Variants in NEK11 observed in about 807,000 individuals in gnomAD.
NEK11 encodes the protein NIMA related kinase 11.
NEK11 carries 72 observed loss-of-function variants against 80.7 expected under a neutral mutation model. The observed-to-expected ratio is 0.89, with a 90% CI of 0.74 to 1.08. The LOEUF is 1.08. Among genes scored for constraint, NEK11 ranks in the 50% least tolerant of loss-of-function variants. The pLI is 0.00. For synonymous variants in NEK11, 251 were observed against 260.7 expected (o/e 0.96, Z 0.36); for missense variants, 764 against 763.6 (o/e 1.00, Z -0.01).
chr3:131,093,124 A>G (rs1578148603), intron 4 of NEK11, among the ~76,000 whole-genome samples: 1 of 152,184 alleles, frequency 6.6e-6, no homozygotes, highest in South Asian at 2.1e-4. Flanking sequence ...CTGGAGGGGC[A>G]CAAGAGACAG....
chr3:131,267,465 T>C (rs1377436859), intron 16 of NEK11, among the ~76,000 whole-genome samples: 2 of 152,254 alleles, frequency 1.3e-5, no homozygotes, highest in African/African-American at 2.4e-5. Flanking sequence ...TTTAGCTGGA[T>C]ATGACATTCT....
intron 9 of NEK11, chr3:131,154,792 G>T: frequency 2.4e-6 from 1 of 423,604 alleles, no homozygotes; most frequent in Non-Finnish European, 4.3e-6. Flanking sequence ...ATTGGCAAAA[G>T]GGAGTGAGAG....
At chr3:131,045,970 A>C (rs1377233769) in intron 3 of NEK11, among the ~76,000 whole-genome samples, 1 of 151,950 alleles carries the variant, frequency 6.6e-6, no homozygotes, top group African/African-American at 2.4e-5. Flanking sequence ...ATCTTTTTCC[A>C]CCCCTTTACC....
chr3:131,071,765 AT>A (rs2073362054), intron 3 of NEK11, among the ~76,000 whole-genome samples: 1 of 151,914 alleles, frequency 6.6e-6, no homozygotes, highest in Non-Finnish European at 1.5e-5. Context: ...ACTGTAGTTC[AT>A]TTTGTCATGA....
intron 17 of NEK11, among the ~76,000 whole-genome samples, chr3:131,277,646 G>A (rs543925533): frequency 1.3e-5 from 2 of 152,344 alleles, no homozygotes; most frequent in Admixed American, 1.3e-4. Flanking sequence ...TGGGGGCCCT[G>A]GGGCTTTGTA....
chr3:131,105,458 A>C (rs779980623), intron 4 of NEK11, among the ~76,000 whole-genome samples: 1 of 152,206 alleles, frequency 6.6e-6, no homozygotes, highest in Admixed American at 6.5e-5. Context: ...GTATTAGTCC[A>C]TTCTCAATGA....
chr3:131,033,205 TACTGA>T (rs2065134651), intron 3 of NEK11, among the ~76,000 whole-genome samples: 1 of 152,146 alleles, frequency 6.6e-6, no homozygotes, highest in Non-Finnish European at 1.5e-5. Context: ...TTTGTGTTGA[TACTGA>T]ACCATTAGTT....
intron 16 of NEK11, among the ~76,000 whole-genome samples, chr3:131,247,732 G>A (rs376001586): frequency 9.2e-5 from 14 of 151,762 alleles, no homozygotes; most frequent in Admixed American, 4.6e-4. Context: ...ATCCATGAGC[G>A]TGGGATGTGT....
At chr3:131,216,921 T>G (rs900075392) in intron 14 of NEK11, among the ~76,000 whole-genome samples, 1 of 152,178 alleles carries the variant, frequency 6.6e-6, no homozygotes, top group Non-Finnish European at 1.5e-5. Flanking sequence ...ATTTGGCATG[T>G]GGAGTAACAG....
At chr3:131,304,902 G>C (rs1403443676) in intron 17 of NEK11, among the ~76,000 whole-genome samples, 2 of 152,112 alleles carry the variant, frequency 1.3e-5, no homozygotes, top group African/African-American at 4.8e-5. Flanking sequence ...AGCTGGGGTG[G>C]AGCACCATTG....
In NEK11 at chr3:131,168,851, A is replaced by G. The variant is rs1347399550; in HGVS notation, c.1198A>G (p.Met400Val). 6.2e-7 allele frequency: 1 copy of G among 1,613,778 alleles called. No homozygotes were observed. Among genetic ancestry groups the G allele is most frequent in the Non-Finnish European group, 8.5e-7 (1 of 1,179,746 alleles). The change falls in exon 13 of 18, where the codon ATG becomes GTG. Residue 400 changes from methionine (M) to valine (V), a missense_variant. Met to Val is a conservative substitution (Grantham distance 21). Transcript: ENST00000383366. Reference sequence around the variant, plus strand: ...TTAGGAAAAAACACATTTAAAAGGAATGGAAGAAAAGGAGGAGCAACCTGA... The same window carrying G: ...TTAGGAAAAAACACATTTAAAAGGAGTGGAAGAAAAGGAGGAGCAACCTGA... ...VLHEKTHLKG[M>V]EEKEEQPEGR...
chr3:131,198,772 G>C (rs764483382), intron 14 of NEK11, among the ~76,000 whole-genome samples: 1 of 152,214 alleles, frequency 6.6e-6, no homozygotes, highest in Non-Finnish European at 1.5e-5. Context: ...TGGGGCTTGG[G>C]TTAGGGCCTT....
chr3:131,329,576 TAAG>T (rs2097036461), intron 17 of NEK11: 1 of 152,012 alleles, frequency 6.6e-6, no homozygotes, highest in Non-Finnish European at 1.5e-5. Context: ...TAGCAAATAC[TAAG>T]AAGAAAATAC....
intron 5 of NEK11, among the ~76,000 whole-genome samples, chr3:131,125,909 C>T (rs2083256898): frequency 6.6e-6 from 1 of 152,204 alleles, no homozygotes; most frequent in South Asian, 2.1e-4. Context: ...CTTGAAATCT[C>T]TAGCAGGCCA....
intron 16 of NEK11, among the ~76,000 whole-genome samples, chr3:131,262,166 T>G (rs2095937036): frequency 6.6e-6 from 1 of 152,034 alleles, no homozygotes; most frequent in South Asian, 2.1e-4. Context: ...TACCAACAAA[T>G]CAGATAAATT....
At chr3:131,122,340 A>T (rs1560512247) in intron 5 of NEK11, among the ~76,000 whole-genome samples, 1 of 152,166 alleles carries the variant, frequency 6.6e-6, no homozygotes, top group Non-Finnish European at 1.5e-5. Context: ...GATATCCTGC[A>T]GTCACTTTTT....
chr3:131,162,242 A>C (rs957379422), intron 10 of NEK11, among the ~76,000 whole-genome samples, 166 bp from the exon 11 acceptor site: 5 of 152,240 alleles, frequency 3.3e-5, no homozygotes, highest in Admixed American at 3.3e-4. Context: ...TATTAACTAC[A>C]GTCCTGGTTG....
chr3:131,207,240 A>T (rs1344153630), intron 14 of NEK11, among the ~76,000 whole-genome samples: 1 of 152,322 alleles, frequency 6.6e-6, no homozygotes, highest in Middle Eastern at 3.4e-3. Context: ...AGGAATCGCC[A>T]CACTGTCTTC....
chr3:131,231,201 T>TTTTTTTC (rs111571997), intron 15 of NEK11, among the ~76,000 whole-genome samples: 30,215 of 149,216 alleles, frequency 0.2, 6,129 homozygotes, highest in African/African-American at 0.52. Context: ...CCTATTTTCT[T>TTTTTTTC]TTTTTTCTTT....
Sources: allele counts gnomAD v4.1 joint callset (sites outside exome capture counted in the v4.1 genomes callset), GRCh38; gene constraint gnomAD v4.1.1; transcripts MANE v1.5; gene names NCBI Gene and HGNC (gene_info 2026-07-23, HGNC 2026-07-21).